Variants in ERBB4 observed in about 807,000 individuals in gnomAD.
The protein encoded by ERBB4 is erb-b2 receptor tyrosine kinase 4.
A neutral mutation model predicts 158.0 loss-of-function variants in ERBB4; 42 were observed. The observed-to-expected ratio is 0.27, with a 90% CI of 0.21 to 0.34. The LOEUF is 0.34. ERBB4 is among the 10% of genes least tolerant of loss of function. ERBB4 has a pLI of 1.00. For synonymous variants in ERBB4, 583 were observed against 558.7 expected (o/e 1.04, Z -0.61); for missense variants, 1,333 against 1,624.1 (o/e 0.82, Z 3.08).
chr2:211,720,654 C>T (rs965953897), intron 7 of ERBB4, among the ~76,000 whole-genome samples: 6 of 152,170 alleles, frequency 3.9e-5, no homozygotes, highest in South Asian at 4.1e-4. Flanking sequence ...TCCACTCTTT[C>T]GGTACACAAG....
chr2:211,747,215 C>A (rs1256321059), intron 5 of ERBB4, among the ~76,000 whole-genome samples: 1 of 152,140 alleles, frequency 6.6e-6, no homozygotes. Context: ...GATTTCTCAA[C>A]CCTCAGTACT....
chr2:212,200,123 G>C (rs750557715), intron 1 of ERBB4, among the ~76,000 whole-genome samples: 5 of 152,142 alleles, frequency 3.3e-5, no homozygotes, highest in Non-Finnish European at 5.9e-5. Flanking sequence ...TCACAAATCA[G>C]TAATGGTCTC....
intron 1 of ERBB4, among the ~76,000 whole-genome samples, chr2:212,526,993 G>A (rs1298063619): frequency 1.3e-5 from 2 of 151,950 alleles, no homozygotes; most frequent in African/African-American, 4.8e-5. Context: ...GTCAAAAGTT[G>A]ACTTTTATCC....
chr2:212,504,945 G>A (rs192210118), intron 1 of ERBB4, among the ~76,000 whole-genome samples: 1 of 152,246 alleles, frequency 6.6e-6, no homozygotes. Context: ...TGTATGTAAA[G>A]TTATGGTTGT....
chr2:211,577,238 T>C (rs990825397), intron 19 of ERBB4, among the ~76,000 whole-genome samples: 1 of 152,118 alleles, frequency 6.6e-6, no homozygotes, highest in Non-Finnish European at 1.5e-5. Flanking sequence ...GTGAAGCATA[T>C]GGTACATGAC....
rs1232429196 is a variant in ERBB4, at chr2:212,360,738, AC to A, written c.82+177710del. 2.0e-5 allele frequency among the ~76,000 whole-genome samples: 3 copies of A among 151,710 alleles called. No homozygotes were observed. The East Asian group carries it at 5.8e-4, about 29-fold the overall frequency. On this transcript the variant is annotated intron_variant, in intron 1 of 27. Coordinates refer to ENST00000342788, the MANE Select transcript of ERBB4 (RefSeq NM_005235.3). ...CCATACTGAAAAATCTTTAAAATCTACATAAGATTACTAACTCATGCTACTC... is the reference window on the plus strand; with the variant it reads ...CCATACTGAAAAATCTTTAAAATCTAATAAGATTACTAACTCATGCTACTC...
rs556404546 is a variant in ERBB4 at position 211,425,542 on chromosome 2, T to TATCA, written c.2720-1245_2720-1242dup. Among the ~76,000 whole-genome samples, 236 of 152,132 alleles carry TATCA rather than the reference T, an allele frequency of 1.6e-3. 1 individual carries two copies. The highest frequency in any genetic ancestry group is 5.5e-3 in the African/African-American group (227 of 41,540). On this transcript the variant is annotated intron_variant, in intron 22 of 27. Coordinates refer to ENST00000342788, the MANE Select transcript of ERBB4 (RefSeq NM_005235.3). ...ATATTAAGGAGAAGCTCCTAAAATCTATCATAAAAATTTTCTATGAGGCAG... is the reference window on the plus strand; with the variant it reads ...ATATTAAGGAGAAGCTCCTAAAATCTATCAATCATAAAAATTTTCTATGAGGCAG...
intron 1 of ERBB4, among the ~76,000 whole-genome samples, chr2:212,459,708 A>G (rs940803952): frequency 1.3e-5 from 2 of 152,188 alleles, no homozygotes; most frequent in African/African-American, 2.4e-5. Flanking sequence ...AAGCTGCAGT[A>G]TCCAACATAG....
chr2:211,827,529 T>A (rs2077128780), intron 3 of ERBB4, among the ~76,000 whole-genome samples: 1 of 152,056 alleles, frequency 6.6e-6, no homozygotes, highest in Non-Finnish European at 1.5e-5. Flanking sequence ...TGTTGGGATT[T>A]TATTTTTAAA....
chr2:212,360,852 TTG>T (rs1377181229), intron 1 of ERBB4, among the ~76,000 whole-genome samples: 2 of 151,692 alleles, frequency 1.3e-5, no homozygotes, highest in African/African-American at 2.4e-5. Context: ...ACTTAACTAT[TTG>T]TGAGTTAATC....
At chr2:212,225,550 G>A (rs1435190241) in intron 1 of ERBB4, among the ~76,000 whole-genome samples, 1 of 151,690 alleles carries the variant, frequency 6.6e-6, no homozygotes, top group Non-Finnish European at 1.5e-5. Context: ...TTGTCATTCG[G>A]CATGAGAATA....
chr2:211,875,866 C>A (rs920820732), intron 3 of ERBB4, among the ~76,000 whole-genome samples: 1 of 152,108 alleles, frequency 6.6e-6, no homozygotes, highest in African/African-American at 2.4e-5. Flanking sequence ...CAATTGCTTA[C>A]AGTATTCAGT....
At chr2:211,843,728 T>C (rs1553643936) in intron 3 of ERBB4, among the ~76,000 whole-genome samples, 1 of 143,342 alleles carries the variant, frequency 7.0e-6, no homozygotes, top group Non-Finnish European at 1.6e-5. Flanking sequence ...GAGCTTTCAT[T>C]GTTTTAACTA....
chr2:211,392,211 ATTATG>A (rs1378376159), intron 25 of ERBB4, among the ~76,000 whole-genome samples: 6 of 152,314 alleles, frequency 3.9e-5, no homozygotes, highest in South Asian at 2.1e-4. Context: ...TGTTTATTGC[ATTATG>A]TTATAATTAT....
intron 1 of ERBB4, among the ~76,000 whole-genome samples, chr2:212,240,991 A>C (rs2084083173): frequency 6.6e-6 from 1 of 152,168 alleles, no homozygotes; most frequent in Admixed American, 6.5e-5. Flanking sequence ...CATGGAGAAA[A>C]TTGGTGATGG....
intron 3 of ERBB4, among the ~76,000 whole-genome samples, chr2:211,914,004 G>A: frequency 7.9e-6 from 1 of 126,494 alleles, no homozygotes; most frequent in African/African-American, 3.0e-5. Flanking sequence ...TCAAGGACAA[G>A]AAATAGAATT....
chr2:211,974,129 G>A (rs2081538287), intron 2 of ERBB4, among the ~76,000 whole-genome samples: 1 of 152,088 alleles, frequency 6.6e-6, no homozygotes, highest in Non-Finnish European at 1.5e-5. Context: ...CAACCAGTGA[G>A]TACTAGGATT....
At chr2:212,254,773 A>C (rs2084664350) in intron 1 of ERBB4, among the ~76,000 whole-genome samples, 2 of 152,188 alleles carry the variant, frequency 1.3e-5, no homozygotes, top group South Asian at 4.1e-4. Context: ...GCATTAAAAG[A>C]GGATAAGGGA....
chr2:212,120,444 T>C (rs2079714107), intron 2 of ERBB4, among the ~76,000 whole-genome samples: 1 of 152,166 alleles, frequency 6.6e-6, no homozygotes, highest in Admixed American at 6.5e-5. Flanking sequence ...TTAAGACAAA[T>C]ACTAATTCAT....
Sources: gnomAD v4.1 joint callset for allele counts (sites outside exome capture counted in the v4.1 genomes callset) on GRCh38, gnomAD v4.1.1 for gene constraint, MANE v1.5 for transcripts, NCBI Gene and HGNC (gene_info 2026-07-23, HGNC 2026-07-21) for gene names.